The following CDKAL1 variants were observed in gnomAD, a reference collection of about 807,000 sequenced individuals.
CDKAL1 encodes CDKAL1 threonylcarbamoyladenosine tRNA methylthiotransferase, also known as threonylcarbamoyladenosine tRNA methylthiotransferase.
In CDKAL1, 32 loss-of-function variants were observed where a neutral mutation model predicts 68.2. The ratio of observed to expected loss-of-function variants is 0.47; its 90% confidence interval spans 0.35 to 0.63. CDKAL1 has a LOEUF of 0.63. Ranked by LOEUF, CDKAL1 falls within the 30% of genes least tolerant of loss-of-function variation. The pLI is 0.00. For synonymous variants in CDKAL1, 234 were observed against 244.3 expected (o/e 0.96, Z 0.39); for missense variants, 606 against 696.7 (o/e 0.87, Z 1.47).
intron 10 of CDKAL1, among the ~76,000 whole-genome samples, chr6:20,999,024 G>A (rs1220488658): frequency 6.6e-6 from 1 of 152,148 alleles, no homozygotes; most frequent in Non-Finnish European, 1.5e-5. Context: ...TAACTGGACG[G>A]AATTAGCTGG....
intron 11 of CDKAL1, among the ~76,000 whole-genome samples, chr6:21,058,737 T>C (rs1467136394): frequency 6.6e-6 from 1 of 152,186 alleles, no homozygotes; most frequent in Non-Finnish European, 1.5e-5. Flanking sequence ...CCTGGAGGTG[T>C]CACCAGTGGG....
At chr6:21,207,015 T>C (rs1778968368) in intron 15 of CDKAL1, among the ~76,000 whole-genome samples, 1 of 151,838 alleles carries the variant, frequency 6.6e-6, no homozygotes, top group South Asian at 2.1e-4. Context: ...TGGGTTCAAG[T>C]GATTCTCGTA....
intron 4 of CDKAL1, chr6:20,558,551 A>G (rs1764149566): frequency 4.4e-6 from 2 of 456,720 alleles, no homozygotes; most frequent in African/African-American, 4.0e-5. Flanking sequence ...GGTGAATGAA[A>G]TTTGGGAATC....
intron 11 of CDKAL1, among the ~76,000 whole-genome samples, chr6:21,035,956 G>A (rs1254146499): frequency 6.6e-6 from 1 of 152,122 alleles, no homozygotes; most frequent in Non-Finnish European, 1.5e-5. Flanking sequence ...TTAGATGGAA[G>A]CGCCACTCAA....
intron 6 of CDKAL1, among the ~76,000 whole-genome samples, chr6:20,750,349 T>G (rs1467974719): frequency 6.6e-6 from 1 of 152,164 alleles, no homozygotes; most frequent in Non-Finnish European, 1.5e-5. Flanking sequence ...GACATTGTAT[T>G]TTTCACTGTT....
chr6:20,607,897 G>T (rs1766403259), intron 4 of CDKAL1, among the ~76,000 whole-genome samples: 1 of 152,034 alleles, frequency 6.6e-6, no homozygotes, highest in Non-Finnish European at 1.5e-5. Context: ...GTTTCACCAT[G>T]TTGGCCAGGT....
intron 4 of CDKAL1, among the ~76,000 whole-genome samples, chr6:20,594,609 C>T (rs1311036176): frequency 6.6e-6 from 1 of 152,102 alleles, no homozygotes; most frequent in Non-Finnish European, 1.5e-5. Flanking sequence ...ATACAGCATG[C>T]CGACGGGTCT....
intron 9 of CDKAL1, among the ~76,000 whole-genome samples, chr6:20,899,315 G>T (rs561855103): frequency 6.6e-6 from 1 of 151,752 alleles, no homozygotes; most frequent in Non-Finnish European, 1.5e-5. Flanking sequence ...CACCTGCCTC[G>T]GCCTCCCAAA....
intron 8 of CDKAL1, among the ~76,000 whole-genome samples, chr6:20,825,240 T>G (rs924695524): frequency 6.6e-6 from 1 of 152,158 alleles, no homozygotes; most frequent in African/African-American, 2.4e-5. Context: ...GTTTAATGAC[T>G]TTTATATTCC....
At chr6:20,579,369 T>TAA (rs1765049769) in intron 4 of CDKAL1, among the ~76,000 whole-genome samples, 1 of 152,220 alleles carries the variant, frequency 6.6e-6, no homozygotes, top group Non-Finnish European at 1.5e-5. Flanking sequence ...AAAGCATATG[T>TAA]AAATTGTGCT....
At chr6:20,854,526 T>C (rs1054796613) in intron 9 of CDKAL1, among the ~76,000 whole-genome samples, 1 of 152,190 alleles carries the variant, frequency 6.6e-6, no homozygotes, top group African/African-American at 2.4e-5. Context: ...AATCAATAAT[T>C]GATTACTTCT....
chr6:20,723,960 T>C (rs1381071136), intron 5 of CDKAL1, among the ~76,000 whole-genome samples: 2 of 152,142 alleles, frequency 1.3e-5, no homozygotes, highest in Non-Finnish European at 2.9e-5. Flanking sequence ...TGAGACAGGG[T>C]CTTACTCTGT....
At chr6:20,666,668 C>G (rs1769559825) in intron 5 of CDKAL1, among the ~76,000 whole-genome samples, 1 of 149,022 alleles carries the variant, frequency 6.7e-6, no homozygotes, top group Non-Finnish European at 1.5e-5. Context: ...GGCTGATCGC[C>G]CGCTGCATTC....
intron 9 of CDKAL1, among the ~76,000 whole-genome samples, chr6:20,860,933 ATTTTTTTT>A (rs70990075): frequency 3.7e-5 from 5 of 134,230 alleles, no homozygotes; most frequent in Admixed American, 7.4e-5. Context: ...AGTGTGGTCT[ATTTTTTTT>A]TTTTTTTTTT....
chr6:21,003,310 A>G lies in CDKAL1; in HGVS notation c.1055+2938A>G, dbSNP rs140081421. Among the ~76,000 whole-genome samples the G allele has an allele frequency of 9.6e-3, 1,310 of 137,122 alleles. 27 individuals carry two copies. Among genetic ancestry groups the G allele is most frequent in the African/African-American group, 0.034 (1,237 of 36,342 alleles). 90.0% of individuals were successfully genotyped at this position (137,122 alleles called of 152,430 possible). A position where few individuals can be genotyped will look rare whatever the true frequency, so the allele number is the denominator to read the frequency against. On this transcript the variant is annotated intron_variant, in intron 11 of 15. Transcript: ENST00000274695. ...CACCTGAGGTCAGGAGTTTAAGACCAGCCTGGCCAACATGGTGAAACCATC... is the reference window on the plus strand; with the variant it reads ...CACCTGAGGTCAGGAGTTTAAGACCGGCCTGGCCAACATGGTGAAACCATC...
chr6:20,893,822 A>T (rs971180606), intron 9 of CDKAL1, among the ~76,000 whole-genome samples: 2 of 152,208 alleles, frequency 1.3e-5, no homozygotes, highest in African/African-American at 4.8e-5. Flanking sequence ...TTGGGCATGG[A>T]GTAAGTGCAC....
intron 12 of CDKAL1, among the ~76,000 whole-genome samples, chr6:21,089,537 A>G (rs1391145218): frequency 1.3e-5 from 2 of 152,176 alleles, no homozygotes; most frequent in South Asian, 4.1e-4. Flanking sequence ...TAAGTATGTG[A>G]CTGTGTAGAT....
intron 5 of CDKAL1, among the ~76,000 whole-genome samples, chr6:20,730,870 G>C (rs1772892474): frequency 6.6e-6 from 1 of 151,500 alleles, no homozygotes; most frequent in Non-Finnish European, 1.5e-5. Flanking sequence ...AAGAGAGAAG[G>C]AGAAATAAAG....
At chr6:20,748,248 A>G (rs1773745757) in intron 6 of CDKAL1, among the ~76,000 whole-genome samples, 1 of 152,138 alleles carries the variant, frequency 6.6e-6, no homozygotes, top group South Asian at 2.1e-4. Context: ...CCGCAACTCA[A>G]GAGGCTGAAG....
Sources: allele counts gnomAD v4.1 joint callset (sites outside exome capture counted in the v4.1 genomes callset), GRCh38; gene constraint gnomAD v4.1.1; transcripts MANE v1.5; gene names NCBI Gene and HGNC (gene_info 2026-07-23, HGNC 2026-07-21).